FARS2: variants seen among roughly 807,000 people sequenced by gnomAD.
The protein encoded by FARS2 is phenylalanyl-tRNA synthetase 2, mitochondrial.
A neutral mutation model predicts 46.4 loss-of-function variants in FARS2; 40 were observed. The ratio of observed to expected loss-of-function variants is 0.86; its 90% CI spans 0.67 to 1.12. The LOEUF is 1.12. Ranked by LOEUF, FARS2 falls within the 50% of genes most tolerant of loss-of-function variation. The pLI is 0.00. For missense variants in FARS2, 513 were observed against 567.9 expected (o/e 0.90, Z 0.98); for synonymous variants, 234 against 214.9 (o/e 1.09, Z -0.78).
intron 4 of FARS2, among the ~76,000 whole-genome samples, chr6:5,493,315 T>A (rs1582263160): frequency 1.3e-5 from 2 of 152,214 alleles, no homozygotes; most frequent in African/African-American, 4.8e-5. Flanking sequence ...TCTCATTTAT[T>A]CCTCTTTTCT....
chr6:5,482,795 T>C (rs1766547798), intron 4 of FARS2, among the ~76,000 whole-genome samples: 1 of 152,178 alleles, frequency 6.6e-6, no homozygotes, highest in Non-Finnish European at 1.5e-5. Flanking sequence ...AGGACAATGA[T>C]GGATTAGCTA....
intron 5 of FARS2, among the ~76,000 whole-genome samples, chr6:5,607,528 G>A (rs1334780097): frequency 6.6e-6 from 1 of 151,982 alleles, no homozygotes; most frequent in Non-Finnish European, 1.5e-5. Flanking sequence ...ATAGATTAAA[G>A]TGACCTGTTA....
At chr6:5,385,263 T>A (rs1222580988) in intron 2 of FARS2, among the ~76,000 whole-genome samples, 1 of 152,214 alleles carries the variant, frequency 6.6e-6, no homozygotes, top group Non-Finnish European at 1.5e-5. Context: ...CTTTAATATA[T>A]CTGTCTATTC....
chr6:5,714,633 C>G lies in FARS2; in HGVS notation c.1218-56658C>G, dbSNP rs74453997. ...AACAAAGGAAGACTTTTGTGAGCCC[C>G]TACTAGGTTTCCTAATGACCGTGGT... On this transcript the variant is annotated intron_variant, in intron 6 of 6. Transcript: ENST00000274680. 6.9e-4 allele frequency among the ~76,000 whole-genome samples: 105 copies of G among 152,204 alleles called. 2 individuals are homozygous for G. In the East Asian group the frequency reaches 0.014, roughly 21 times the overall value.
At chr6:5,494,011 C>G (rs1264087858) in intron 4 of FARS2, among the ~76,000 whole-genome samples, 1 of 152,078 alleles carries the variant, frequency 6.6e-6, no homozygotes, top group Non-Finnish European at 1.5e-5. Flanking sequence ...ATTTCAGCAG[C>G]AAGAATTATT....
intron 5 of FARS2, among the ~76,000 whole-genome samples, chr6:5,590,467 C>T (rs1404651355): frequency 6.6e-6 from 1 of 152,150 alleles, no homozygotes; most frequent in Admixed American, 6.5e-5. Flanking sequence ...ACCTTGGTGT[C>T]GTCTAGCACA....
intron 6 of FARS2, among the ~76,000 whole-genome samples, chr6:5,681,203 C>A (rs1293443030): frequency 1.3e-5 from 2 of 152,098 alleles, no homozygotes; most frequent in African/African-American, 4.8e-5. Context: ...TGGAAGCAAC[C>A]TGAATGTTAC....
At chr6:5,512,202 C>CG (rs1768501226) in intron 4 of FARS2, among the ~76,000 whole-genome samples, 1 of 151,994 alleles carries the variant, frequency 6.6e-6, no homozygotes, top group Non-Finnish European at 1.5e-5. Context: ...ATAGGAGGCC[C>CG]GGGGGGTGGG....
intron 5 of FARS2, among the ~76,000 whole-genome samples, chr6:5,568,226 G>A (rs552852484): frequency 9.9e-5 from 15 of 152,108 alleles, no homozygotes; most frequent in African/African-American, 3.1e-4. Context: ...TCTGATTCAC[G>A]TTCAACTGTC....
At chr6:5,281,493 A>G (rs1187372401) in intron 1 of FARS2, among the ~76,000 whole-genome samples, 1 of 152,134 alleles carries the variant, frequency 6.6e-6, no homozygotes, top group Non-Finnish European at 1.5e-5. Context: ...CATTTTAGCC[A>G]TTTTTAAGTG....
At chr6:5,506,470 T>C (rs1394600298) in intron 4 of FARS2, among the ~76,000 whole-genome samples, 4 of 152,218 alleles carry the variant, frequency 2.6e-5, no homozygotes, top group Non-Finnish European at 5.9e-5. Context: ...AGAGTGGGGC[T>C]GGGCACAGCC....
chr6:5,675,889 C>A (rs1778742186), intron 6 of FARS2, among the ~76,000 whole-genome samples: 1 of 152,144 alleles, frequency 6.6e-6, no homozygotes. Context: ...TCCTAATCAC[C>A]TTTCCTACAT....
intron 1 of FARS2, among the ~76,000 whole-genome samples, chr6:5,341,922 A>G (rs1201752740): frequency 6.6e-6 from 1 of 152,250 alleles, no homozygotes; most frequent in Non-Finnish European, 1.5e-5. Context: ...AGCTGAAAAA[A>G]ATGAGATAGG....
At chr6:5,251,991 T>C in the FARS2 span, among the ~76,000 whole-genome samples, 19 of 152,176 alleles carry the variant, frequency 1.2e-4, no homozygotes, top group African/African-American at 4.6e-4. Context: ...GAATCATTAT[T>C]TGGTTCCTTC....
chr6:5,282,637 G>A (rs1356274460), intron 1 of FARS2, among the ~76,000 whole-genome samples: 1 of 152,214 alleles, frequency 6.6e-6, no homozygotes, highest in Non-Finnish European at 1.5e-5. Context: ...CCCGTGTGGA[G>A]CACTTTGATA....
intron 4 of FARS2, among the ~76,000 whole-genome samples, chr6:5,490,730 A>G (rs1007752235): frequency 1.5e-4 from 23 of 152,208 alleles, no homozygotes; most frequent in African/African-American, 5.5e-4. Context: ...TGGGGAAGCC[A>G]GGTGCTGTAT....
chr6:5,524,955 C>A (rs1451583224), intron 4 of FARS2, among the ~76,000 whole-genome samples: 1 of 152,152 alleles, frequency 6.6e-6, no homozygotes, highest in Non-Finnish European at 1.5e-5. Flanking sequence ...AGCTTTTTGT[C>A]ACTGGCCTGA....
At chr6:5,408,857 C>T (rs1582019354) in intron 3 of FARS2, among the ~76,000 whole-genome samples, 3 of 152,050 alleles carry the variant, frequency 2.0e-5, no homozygotes, top group Admixed American at 2.0e-4. Flanking sequence ...ACTGTGGCAC[C>T]GTAGCCTTAT....
intron 4 of FARS2, among the ~76,000 whole-genome samples, chr6:5,472,992 A>G (rs548488912): frequency 1.3e-5 from 2 of 152,320 alleles, no homozygotes; most frequent in South Asian, 4.1e-4. Flanking sequence ...GCAAATATAT[A>G]TTCATGGCCT....
Sources: allele counts gnomAD v4.1 joint callset (sites outside exome capture counted in the v4.1 genomes callset), GRCh38; gene constraint gnomAD v4.1.1; transcripts MANE v1.5; gene names NCBI Gene and HGNC (gene_info 2026-07-23, HGNC 2026-07-21).